Variants in ITGA9 observed in about 807,000 individuals in gnomAD.
ITGA9 encodes the protein integrin subunit alpha 9, also known as integrin alpha-9.
In ITGA9, 56 loss-of-function variants were observed where a neutral mutation model predicts 127.8. That is an observed-to-expected ratio of 0.44 (90% CI 0.35 to 0.55). ITGA9 has a LOEUF of 0.55. Ranked by LOEUF, ITGA9 falls within the 20% of genes least tolerant of loss-of-function variation. The pLI, the probability that ITGA9 is intolerant of heterozygous loss-of-function variation, is 0.00. For synonymous variants in ITGA9, 508 were observed against 514.5 expected, an observed-to-expected ratio of 0.99 and a Z score of 0.17; for missense variants, 1,196 against 1,347.1, an observed-to-expected ratio of 0.89 and a Z score of 1.76.
At chr3:37,684,084 C>G (rs1700759082) in intron 18 of ITGA9, 69 bp downstream of exon 18, 2 of 1,276,544 alleles carry the variant, frequency 1.6e-6, no homozygotes, top group African/African-American at 2.9e-5. Context: ...TCATTATTGC[C>G]TGGAATAGGC....
intron 15 of ITGA9, among the ~76,000 whole-genome samples, chr3:37,600,005 G>A (rs4678572): frequency 0.17 from 25,993 of 152,026 alleles, 2,568 homozygotes; most frequent in Admixed American, 0.29. Flanking sequence ...TGGAAATTTG[G>A]GAAAGGGAAA....
chr3:37,773,411 C>T (rs1696868177), intron 23 of ITGA9, among the ~76,000 whole-genome samples: 1 of 152,168 alleles, frequency 6.6e-6, no homozygotes, highest in Admixed American at 6.5e-5. Flanking sequence ...AATTTGGAGA[C>T]CTACAGGCTT....
At chr3:37,620,378 C>T (rs1287580757) in intron 15 of ITGA9, among the ~76,000 whole-genome samples, 1 of 152,184 alleles carries the variant, frequency 6.6e-6, no homozygotes, top group Non-Finnish European at 1.5e-5. Flanking sequence ...TGCCCCTCCC[C>T]CGTGATCTTG....
In ITGA9 at chr3:37,675,653, C is replaced by CT. The variant is rs199603033; in HGVS notation, c.1917-8203dup. 1.0e-3 allele frequency among the ~76,000 whole-genome samples: 151 copies of CT among 149,334 alleles called. 2 individuals are homozygous for CT. In the East Asian group the frequency reaches 0.02, roughly 20 times the overall value. ...GAAAGAAAAGCACACATATGTTACG[C>CT]TTTTTTTTTCAGCATTTCACAATAT... On this transcript the variant is annotated intron_variant, in intron 17 of 27. Transcript: ENST00000264741.
At chr3:37,652,314 T>TA (rs1575181128) in intron 16 of ITGA9, among the ~76,000 whole-genome samples, 2 of 152,132 alleles carry the variant, frequency 1.3e-5, no homozygotes, top group African/African-American at 4.8e-5. Flanking sequence ...ATGCCATCCT[T>TA]ACACCCACTT....
In ITGA9 at chr3:37,629,553, A is replaced by G; in HGVS notation, c.1839+217A>G. On this transcript the variant is annotated intron_variant, in intron 16 of 27. Coordinates refer to ENST00000264741, the MANE Select transcript of ITGA9 (RefSeq NM_002207.3). The surrounding 1 kb of genome is among the most constrained non-coding windows in gnomAD (Gnocchi z 4.5). Reference sequence around the variant, plus strand: ...TACTGTGGGACTTAAACACTTTCAGACAATTCTCAGGCTGTTAGAAGTTAC... The same window carrying G: ...TACTGTGGGACTTAAACACTTTCAGGCAATTCTCAGGCTGTTAGAAGTTAC... The G allele has an allele frequency of 3.1e-6, 2 of 643,108 alleles. No homozygotes were observed. Among genetic ancestry groups the G allele is most frequent in the Non-Finnish European group, 5.5e-6 (2 of 362,992 alleles). The allele number at this position is 643,108 out of a possible 1,614,324, so 39.8% of individuals were successfully genotyped here.
At chr3:37,791,105 C>G (rs1697104104) in intron 26 of ITGA9, among the ~76,000 whole-genome samples, 1 of 152,004 alleles carries the variant, frequency 6.6e-6, no homozygotes, top group Non-Finnish European at 1.5e-5. Flanking sequence ...TCTCTGATCC[C>G]TGAATTGGTT....
At chr3:37,566,281 G>A (rs1015912470) in intron 15 of ITGA9, among the ~76,000 whole-genome samples, 5 of 152,074 alleles carry the variant, frequency 3.3e-5, no homozygotes, top group African/African-American at 9.7e-5. Context: ...GGGATTAATG[G>A]GTAGTAGTGT....
At chr3:37,672,844 T>C (rs1700650100) in intron 17 of ITGA9, among the ~76,000 whole-genome samples, 1 of 151,834 alleles carries the variant, frequency 6.6e-6, no homozygotes, top group Admixed American at 6.6e-5. Flanking sequence ...AGATTTTCTC[T>C]AATATATTTA....
intron 10 of ITGA9, among the ~76,000 whole-genome samples, chr3:37,518,154 C>T (rs199263): frequency 0.62 from 92,973 of 150,554 alleles, 29,089 homozygotes; most frequent in East Asian, 0.86. Context: ...GTACCTAATG[C>T]CTAGGTCTGT....
Position 37,452,144 on chromosome 3 carries a change from C to A in ITGA9, c.-231C>A, listed in dbSNP as rs1031184556. ...CCGGCCCGGGACCCGCTCGCGCAGA[C>A]TTCTCGGGCGGACTGAGGACGCCGC... is the stretch of plus-strand genomic sequence containing the variant. On this transcript the variant is annotated 5_prime_UTR_variant, in exon 1 of 28. Coordinates refer to ENST00000264741, the MANE Select transcript of ITGA9 (RefSeq NM_002207.3). The surrounding 1 kb of genome is among the most constrained non-coding windows in gnomAD (Gnocchi z 7.3). 214 of 150,294 alleles carry A rather than the reference C, an allele frequency of 1.4e-3. No homozygotes were observed. Among genetic ancestry groups the A allele is most frequent in the Non-Finnish European group, 2.7e-3 (185 of 68,384 alleles). 9.3% of individuals were successfully genotyped at this position (150,294 alleles called of 1,614,324 possible).
Position 37,496,551 on chromosome 3 carries a change from C to T in ITGA9, c.612+1983C>T, listed in dbSNP as rs78740886. 3.9e-3 allele frequency among the ~76,000 whole-genome samples: 591 copies of T among 152,346 alleles called. 4 individuals carry two copies. Among genetic ancestry groups the T allele is most frequent in the African/African-American group, 0.013 (556 of 41,582 alleles). On this transcript the variant is annotated intron_variant, in intron 5 of 27. Coordinates refer to ENST00000264741, the MANE Select transcript of ITGA9 (RefSeq NM_002207.3). ...GCTTCCAACCCACTGCGGAATCCTT[C>T]TGCCGTCTTGCTTCCACCCTTGCCT...
intron 17 of ITGA9, among the ~76,000 whole-genome samples, chr3:37,680,684 CT>C (rs1700726672): frequency 6.6e-6 from 1 of 152,212 alleles, no homozygotes; most frequent in East Asian, 1.9e-4. Flanking sequence ...ACCTTGGACA[CT>C]GTCTGATGTC....
At chr3:37,711,206 C>T (rs1435977571) in intron 18 of ITGA9, among the ~76,000 whole-genome samples, 2 of 152,100 alleles carry the variant, frequency 1.3e-5, no homozygotes, top group Non-Finnish European at 1.5e-5. Flanking sequence ...ACAAGCAGGG[C>T]AGGAGGATGA....
intron 13 of ITGA9, among the ~76,000 whole-genome samples, chr3:37,530,248 GTTAAGTAGGGGCT>G (rs1468134814): frequency 2.6e-5 from 4 of 152,372 alleles, no homozygotes; most frequent in African/African-American, 7.2e-5. Context: ...AGCTGGCTAT[GTTAAGTAGGGGCT>G]TGGCTCAGCC....
intron 17 of ITGA9, among the ~76,000 whole-genome samples, chr3:37,658,198 A>G (rs7426543): frequency 0.53 from 80,586 of 152,012 alleles, 21,849 homozygotes; most frequent in African/African-American, 0.65. Context: ...GTAGATGTCT[A>G]TTAGGTCTGC....
intron 15 of ITGA9, among the ~76,000 whole-genome samples, chr3:37,616,446 T>C (rs1402889437): frequency 6.6e-5 from 10 of 152,294 alleles, no homozygotes; most frequent in South Asian, 4.2e-4. Context: ...ATTCTGTTGA[T>C]TTGGGGTGGA....
intron 13 of ITGA9, 135 bp downstream of exon 13, chr3:37,526,206 A>G (rs973211337): frequency 1.3e-5 from 10 of 778,120 alleles, no homozygotes; most frequent in Middle Eastern, 2.7e-4. Flanking sequence ...ATGCTACCTT[A>G]TTTTCTCATT....
rs554048526 is a variant in ITGA9 at position 37,811,088 on chromosome 3, C to T, written c.3009+7146C>T. 4.3e-4 allele frequency among the ~76,000 whole-genome samples: 65 copies of T among 152,312 alleles called. 1 individual carries two copies. Among genetic ancestry groups the T allele is most frequent in the African/African-American group, 1.3e-3 (56 of 41,568 alleles). On this transcript the variant is annotated intron_variant, in intron 27 of 27. Transcript: ENST00000264741. ...AATGAGGGCCCCAAGCTAACCAGAC[C>T]GCTCTTCAAATTCTGAAATGGATCC... is the stretch of plus-strand genomic sequence containing the variant.
Sources: allele counts gnomAD v4.1 joint callset (sites outside exome capture counted in the v4.1 genomes callset), GRCh38; gene constraint gnomAD v4.1.1; non-coding constraint Gnocchi (gnomAD v3.1); transcripts MANE v1.5; gene names NCBI Gene and HGNC (gene_info 2026-07-23, HGNC 2026-07-21).